Variants in ABCB11 observed in about 807,000 individuals in gnomAD.
ABCB11 encodes ATP binding cassette subfamily B member 11, also known as bile salt export pump.
ABCB11 carries 95 observed loss-of-function variants against 148.0 expected under a neutral mutation model. That is an observed-to-expected ratio of 0.64 (90% CI 0.54 to 0.76). The LOEUF (loss-of-function observed/expected upper bound fraction) is 0.76. Ranked by LOEUF, ABCB11 falls within the 30% of genes least tolerant of loss-of-function variation. The pLI is 0.00. For synonymous variants in ABCB11, 591 were observed against 555.4 expected (o/e 1.06, Z -0.90); for missense variants, 1,523 against 1,617.8 (o/e 0.94, Z 1.01).
chr2:168,996,841 TAATA>T (rs1214194350), intron 5 of ABCB11, 119 bp from the exon 6 acceptor site: 4 of 245,366 alleles, frequency 1.6e-5, no homozygotes, highest in African/African-American at 7.0e-5. Flanking sequence ...ATATAATATA[TAATA>T]AATATACTAT....
chr2:168,973,908 G>A, intron 12 of ABCB11, 68 bp from the exon 13 acceptor site: 1 of 1,561,934 alleles, frequency 6.4e-7, no homozygotes, highest in Non-Finnish European at 8.8e-7. Flanking sequence ...TTAGGCTACA[G>A]GTGCAGATGC....
At chr2:168,919,630 T>TA (rs1464965849), downstream of ABCB11, among the ~76,000 whole-genome samples, 319 of 151,060 alleles carry the variant, frequency 2.1e-3, 1 homozygote, top group African/African-American at 2.4e-3. Context: ...CCTTATTTTT[T>TA]AAAAAAAAAG....
chr2:168,985,667 T>C (rs1694293953), intron 10 of ABCB11, among the ~76,000 whole-genome samples: 2 of 152,132 alleles, frequency 1.3e-5, no homozygotes, highest in Admixed American at 1.3e-4. Context: ...TTGGAGACTG[T>C]TATTCTAAGT....
At chr2:168,936,877 T>C (rs1413067774) in intron 21 of ABCB11, among the ~76,000 whole-genome samples, 1 of 152,104 alleles carries the variant, frequency 6.6e-6, no homozygotes, top group African/African-American at 2.4e-5. Flanking sequence ...TCCTTTTTAT[T>C]TTTATTTTTT....
chr2:168,923,228 G>A lies in ABCB11; in HGVS notation c.*394C>T. ...AGACCCGCCTCTGTGTACACCGAGG[G>A]TTCAAAAATGAAAGACAGTTCTCTG... On this transcript the variant is annotated 3_prime_UTR_variant, in exon 28 of 28. Coordinates refer to ENST00000650372, the MANE Select transcript of ABCB11 (RefSeq NM_003742.4). The A allele has an allele frequency of 9.3e-6, 2 of 215,400 alleles. No homozygotes were observed. Among genetic ancestry groups the A allele is most frequent in the South Asian group, 2.1e-4 (2 of 9,684 alleles). 13.3% of individuals were successfully genotyped at this position (215,400 alleles called of 1,614,324 possible). A position where few individuals can be genotyped will look rare whatever the true frequency, so the allele number is the denominator to read the frequency against.
rs555007072 is a variant in ABCB11, at chr2:168,936,374, C to T, written c.2670G>A (p.Met890Ile). 1.9e-6 allele frequency: 3 copies of T among 1,613,932 alleles called. No homozygotes were observed. The highest frequency in any genetic ancestry group is 1.3e-5 in the African/African-American group (1 of 75,024). The change falls in exon 22 of 28, where the codon ATG (methionine) becomes ATA (isoleucine). Residue 890 changes from methionine to isoleucine, a missense_variant. Coordinates refer to ENST00000650372, the MANE Select transcript of ABCB11 (RefSeq NM_003742.4). ...TCCAGCTAAAGGAGAAGGCAATGAT[C>T]ATGGCCACAGTGACGTTAGTGAAGG... ...VNSFTNVTVA[M>I]IIAFSFSWKL...
intron 10 of ABCB11, among the ~76,000 whole-genome samples, chr2:168,984,430 C>G (rs959456698): frequency 3.0e-4 from 46 of 152,256 alleles, no homozygotes; most frequent in African/African-American, 1.0e-3. Flanking sequence ...TGAATAATTA[C>G]TTATTGAATG....
intron 8 of ABCB11, among the ~76,000 whole-genome samples, 185 bp from the exon 9 acceptor site, chr2:168,991,110 T>C (rs573318948): frequency 1.3e-4 from 20 of 152,240 alleles, no homozygotes; most frequent in Admixed American, 5.9e-4. Flanking sequence ...TCCAGGGTTG[T>C]CTGGTTGTTG....
At chr2:168,964,063 G>A in intron 18 of ABCB11, 143 bp downstream of exon 18, 1 of 551,290 alleles carries the variant, frequency 1.8e-6, no homozygotes, top group Non-Finnish European at 3.3e-6. Context: ...TTTTCATTAG[G>A]TCTTAATGCT....
chr2:168,990,795 A>G lies in ABCB11; in HGVS notation c.908+6T>C. The G allele has an allele frequency of 6.2e-7, 1 of 1,612,550 alleles. No individual in the cohort carries two copies. The highest frequency in any genetic ancestry group is 8.5e-7 in the Non-Finnish European group (1 of 1,179,102). On this transcript the variant is annotated splice_donor_region_variant and intron_variant, in intron 9 of 27. Transcript: ENST00000650372. ...TAAGGAAAGAATCAGATTCCAATTA[A>G]CCAACCTTTCAACCTCTCTTTTCTC... is the stretch of plus-strand genomic sequence containing the variant.
chr2:168,927,682 C>T (rs1691378013), intron 25 of ABCB11, among the ~76,000 whole-genome samples: 2 of 152,100 alleles, frequency 1.3e-5, no homozygotes, highest in Non-Finnish European at 2.9e-5. Flanking sequence ...GCAGCACACT[C>T]TCTACAAATA....
intron 1 of ABCB11, among the ~76,000 whole-genome samples, chr2:169,030,437 C>T (rs1054861643): frequency 6.6e-6 from 1 of 152,174 alleles, no homozygotes; most frequent in Non-Finnish European, 1.5e-5. Flanking sequence ...AATAAGTTAT[C>T]ACTTCAAATG....
Position 168,925,216 on chromosome 2 carries a change from T to C in ABCB11, c.3619-413A>G, listed in dbSNP as rs571680939. Among the ~76,000 whole-genome samples the C allele has an allele frequency of 1.8e-4, 28 of 152,332 alleles. No homozygotes were observed. The South Asian group carries it at 5.6e-3, about 30-fold the overall frequency. ...TTTGCGAGATCTTCTGGTCCATTGCTGTATTAGGGAGGCAGCATTCTGGAA... is the reference window on the plus strand; with the variant it reads ...TTTGCGAGATCTTCTGGTCCATTGCCGTATTAGGGAGGCAGCATTCTGGAA... On this transcript the variant is annotated intron_variant, in intron 26 of 27. Coordinates refer to ENST00000650372, the MANE Select transcript of ABCB11 (RefSeq NM_003742.4).
rs539683064 is a variant in ABCB11, at chr2:168,921,445, C to T, written c.*2177G>A. Among the ~76,000 whole-genome samples, 16 of 152,270 alleles carry T rather than the reference C, an allele frequency of 1.1e-4. No individual in the cohort carries two copies. The South Asian group carries it at 3.1e-3, about 30-fold the overall frequency. On this transcript the variant is annotated 3_prime_UTR_variant, in exon 28 of 28. Transcript: ENST00000650372. ...GATAGGTTGGTGGGAACCGTGGGTGCAGTCCTGCTCCCAAGGTTTTCATTT... is the reference window on the plus strand; with the variant it reads ...GATAGGTTGGTGGGAACCGTGGGTGTAGTCCTGCTCCCAAGGTTTTCATTT...
intron 10 of ABCB11, among the ~76,000 whole-genome samples, chr2:168,982,909 C>A (rs11901443): frequency 0.022 from 3,342 of 152,194 alleles, 128 homozygotes; most frequent in African/African-American, 0.074. Context: ...TTGGGAGTAA[C>A]AGGTTAATAA....
Position 168,964,203 on chromosome 2 carries a change from G to A in ABCB11, c.2178+3C>T, listed in dbSNP as rs1258398795. The stretch of plus-strand genomic sequence containing the variant: ...TCCCCCCCATAAGCAGTTGGTGCCT[G>A]ACCTTTCTATCTTCTTCATAGGTAG... On this transcript the variant is annotated splice_donor_region_variant and intron_variant, in intron 18 of 27. Coordinates refer to ENST00000650372, the MANE Select transcript of ABCB11 (RefSeq NM_003742.4). 3 of 1,550,672 alleles carry A rather than the reference G, an allele frequency of 1.9e-6. No individual in the cohort carries two copies. The South Asian group carries it at 3.6e-5, about 18-fold the overall frequency.
chr2:169,025,755 T>A (rs2106073800), intron 1 of ABCB11, among the ~76,000 whole-genome samples: 1 of 152,384 alleles, frequency 6.6e-6, no homozygotes, highest in South Asian at 2.1e-4. Context: ...TGCGTCTCTA[T>A]GCCCACAGCA....
At chr2:168,986,431 C>T (rs576374990) in intron 9 of ABCB11, 147 bp from the exon 10 acceptor site, 3 of 694,990 alleles carry the variant, frequency 4.3e-6, no homozygotes, top group Non-Finnish European at 7.2e-6. Context: ...TCTCCAATAA[C>T]CTTTATGTAG....
At chr2:168,975,077 A>G (rs1379635911) in intron 12 of ABCB11, among the ~76,000 whole-genome samples, 2 of 132,302 alleles carry the variant, frequency 1.5e-5, no homozygotes, top group Admixed American at 7.9e-5. Context: ...ATAAATATAT[A>G]AATATTTTTA....
Sources: allele counts gnomAD v4.1 joint callset (sites outside exome capture counted in the v4.1 genomes callset), GRCh38; gene constraint gnomAD v4.1.1; transcripts MANE v1.5; gene names NCBI Gene and HGNC (gene_info 2026-07-23, HGNC 2026-07-21).